Variants in UNC5D observed in about 807,000 individuals in gnomAD.
The protein encoded by UNC5D is unc-5 netrin receptor D.
In UNC5D, 39 loss-of-function variants were observed where a neutral mutation model predicts 105.4. That is an observed-to-expected ratio of 0.37 (90% CI 0.29 to 0.48). The LOEUF (loss-of-function observed/expected upper bound fraction) is 0.48. Ranked by LOEUF, UNC5D falls within the 20% of genes least tolerant of loss-of-function variation. The probability of loss-of-function intolerance (pLI) is 0.98; values close to 1 mark genes in which losing one functional copy is unlikely to be tolerated. For missense variants in UNC5D, 991 were observed against 1,202.4 expected (o/e 0.82, Z 2.60); for synonymous variants, 452 against 450.4 (o/e 1.00, Z -0.04).
intron 1 of UNC5D, among the ~76,000 whole-genome samples, chr8:35,487,566 TACACACACACACAC>T (rs3048025): frequency 8.9e-6 from 1 of 112,984 alleles, no homozygotes; most frequent in Non-Finnish European, 1.8e-5. Context: ...TCTCTCTCTG[TACACACACACACAC>T]ACACACACAC....
At chr8:35,629,917 A>C (rs1821935642) in intron 4 of UNC5D, among the ~76,000 whole-genome samples, 1 of 152,174 alleles carries the variant, frequency 6.6e-6, no homozygotes, top group African/African-American at 2.4e-5. Flanking sequence ...TTGTATTGTA[A>C]CTTACGGGTA....
chr8:35,405,313 T>C (rs7827646), intron 1 of UNC5D, among the ~76,000 whole-genome samples: 78,284 of 151,914 alleles, frequency 0.52, 20,673 homozygotes, highest in East Asian at 0.71. Flanking sequence ...ATCATATTGG[T>C]TCCCAAAGAA....
chr8:35,719,193 T>C (rs1286745145), intron 8 of UNC5D, among the ~76,000 whole-genome samples: 1 of 131,700 alleles, frequency 7.6e-6, no homozygotes, highest in Non-Finnish European at 1.7e-5. Context: ...CACACGACTT[T>C]CTCCCTTCTC....
intron 1 of UNC5D, among the ~76,000 whole-genome samples, chr8:35,497,133 T>C (rs1319943368): frequency 6.6e-6 from 1 of 152,168 alleles, no homozygotes; most frequent in Non-Finnish European, 1.5e-5. Flanking sequence ...TAGATAGTCA[T>C]GGAGAAATAG....
At chr8:35,327,941 A>G (rs533939799) in intron 1 of UNC5D, among the ~76,000 whole-genome samples, 14 of 152,336 alleles carry the variant, frequency 9.2e-5, no homozygotes, top group African/African-American at 3.1e-4. Flanking sequence ...TTGATAGATG[A>G]CAGTCAGTGG....
chr8:35,320,730 A>C (rs1809678536), intron 1 of UNC5D, among the ~76,000 whole-genome samples: 2 of 152,092 alleles, frequency 1.3e-5, no homozygotes, highest in Non-Finnish European at 2.9e-5. Context: ...GGACATCCAA[A>C]GGGAGGAGGG....
intron 1 of UNC5D, among the ~76,000 whole-genome samples, chr8:35,290,675 G>A (rs141202588): frequency 9.9e-5 from 15 of 152,214 alleles, no homozygotes; most frequent in Non-Finnish European, 2.1e-4. Flanking sequence ...GAGGCCAGGC[G>A]CGGTGGTTCA....
chr8:35,284,049 AT>A (rs1806399941), intron 1 of UNC5D, among the ~76,000 whole-genome samples: 1 of 152,202 alleles, frequency 6.6e-6, no homozygotes, highest in South Asian at 2.1e-4. Context: ...TTGCAGGAAG[AT>A]TTAGTGAGAA....
intron 1 of UNC5D, among the ~76,000 whole-genome samples, chr8:35,494,056 T>G (rs1489458286): frequency 6.6e-6 from 1 of 152,170 alleles, no homozygotes; most frequent in African/African-American, 2.4e-5. Context: ...AACTGAAAAG[T>G]CAAGCTCTCA....
chr8:35,538,397 ATATATATATATATATATATATATAT>A (rs1815005075), intron 1 of UNC5D, among the ~76,000 whole-genome samples: 7 of 47,012 alleles, frequency 1.5e-4, no homozygotes, highest in African/African-American at 5.0e-4. Flanking sequence ...AAAAATAATT[ATATATATATATATATATATATATAT>A]ATATATATAT....
In UNC5D at chr8:35,759,433, A is replaced by G; in HGVS notation, c.2277A>G (p.Pro759=). 2.5e-6 allele frequency: 4 copies of G among 1,614,022 alleles called. No individual in the cohort carries two copies. The highest frequency in any genetic ancestry group is 3.4e-6 in the Non-Finnish European group (4 of 1,179,958). Reference sequence around the variant, plus strand: ...AGATTTCTGTCCTTGATATTCCCCCATTCCTCTGGAGAATTAAACCATTCA... The same window carrying G: ...AGATTTCTGTCCTTGATATTCCCCCGTTCCTCTGGAGAATTAAACCATTCA... The part of the protein sequence containing the change: ...SLQISVLDIP[P]FLWRIKPFTA... The change falls in exon 14 of 17, where the codon CCA becomes CCG. Residue 759 remains proline (P), a synonymous_variant. Transcript: ENST00000404895.
intron 1 of UNC5D, among the ~76,000 whole-genome samples, chr8:35,386,496 G>A (rs1803407133): frequency 6.6e-6 from 1 of 152,126 alleles, no homozygotes; most frequent in Admixed American, 6.5e-5. Context: ...TCAGTGCTGT[G>A]AAAGGGAAAT....
At chr8:35,404,456 G>T (rs963648461) in intron 1 of UNC5D, among the ~76,000 whole-genome samples, 4 of 152,180 alleles carry the variant, frequency 2.6e-5, no homozygotes, top group African/African-American at 9.7e-5. Context: ...ATACTTTCCT[G>T]CTGAAAGTAT....
intron 1 of UNC5D, among the ~76,000 whole-genome samples, chr8:35,508,819 T>C (rs548236664): frequency 6.6e-6 from 1 of 152,288 alleles, no homozygotes; most frequent in South Asian, 2.1e-4. Flanking sequence ...AATAAAGATG[T>C]AGAGCTTCGT....
At chr8:35,681,310 T>C (rs1003525308) in intron 4 of UNC5D, among the ~76,000 whole-genome samples, 1 of 152,226 alleles carries the variant, frequency 6.6e-6, no homozygotes, top group African/African-American at 2.4e-5. Flanking sequence ...CTCTCAACTC[T>C]TATATTTTGG....
intron 3 of UNC5D, among the ~76,000 whole-genome samples, chr8:35,585,064 A>G (rs1450886116): frequency 2.6e-5 from 4 of 152,198 alleles, no homozygotes; most frequent in African/African-American, 7.2e-5. Flanking sequence ...ACTCAGCATA[A>G]TATGTCCCTA....
At chr8:35,301,960 G>A (rs1453394104) in intron 1 of UNC5D, among the ~76,000 whole-genome samples, 3 of 152,206 alleles carry the variant, frequency 2.0e-5, no homozygotes, top group Admixed American at 1.3e-4. Context: ...TATTCGACAC[G>A]GACAGAGAGA....
chr8:35,267,815 C>G (rs956116866), intron 1 of UNC5D, among the ~76,000 whole-genome samples: 3 of 152,076 alleles, frequency 2.0e-5, no homozygotes, highest in African/African-American at 4.8e-5. Context: ...TGTCAAACAT[C>G]AAAATGAATA....
chr8:35,667,235 A>G (rs1350900380), intron 4 of UNC5D, among the ~76,000 whole-genome samples: 2 of 152,194 alleles, frequency 1.3e-5, no homozygotes, highest in Non-Finnish European at 2.9e-5. Context: ...CAAACAACTT[A>G]GAAATCTCAG....
Sources: allele counts gnomAD v4.1 joint callset (sites outside exome capture counted in the v4.1 genomes callset), GRCh38; gene constraint gnomAD v4.1.1; transcripts MANE v1.5; gene names NCBI Gene and HGNC (gene_info 2026-07-23, HGNC 2026-07-21).